The following SYNM variants were observed in gnomAD, a reference collection of about 807,000 sequenced individuals.
SYNM encodes synemin.
In SYNM, 95 loss-of-function variants were observed where a neutral mutation model predicts 104.0. That is an observed-to-expected ratio of 0.91 (90% CI 0.77 to 1.08). The LOEUF (loss-of-function observed/expected upper bound fraction) is 1.08, where lower values mean the gene tolerates loss of function less well. Ranked by LOEUF, SYNM falls within the 50% of genes least tolerant of loss-of-function variation. The pLI, the probability that SYNM is intolerant of heterozygous loss-of-function variation, is 0.00. For missense variants in SYNM, 2,150 were observed against 2,052.2 expected, an observed-to-expected ratio of 1.05 and a Z score of -0.92; for synonymous variants, 918 against 869.0, an observed-to-expected ratio of 1.06 and a Z score of -0.99.
chr15:99,138,383 G>A (rs1025185255), downstream of SYNM, among the ~76,000 whole-genome samples: 6 of 151,480 alleles, frequency 4.0e-5, no homozygotes, highest in Non-Finnish European at 7.4e-5. Flanking sequence ...GCCCCATCTC[G>A]GCTCCCTGCA....
intron 2 of SYNM, among the ~76,000 whole-genome samples, chr15:99,114,834 C>G (rs2067332541): frequency 6.6e-6 from 1 of 152,110 alleles, no homozygotes; most frequent in Non-Finnish European, 1.5e-5. Flanking sequence ...CCCTTGTTTC[C>G]TGGCAGCTCT....
At position 99,105,477 on chromosome 15, in the gene SYNM, G is replaced by GGGAGCTGCA. The variant is rs1555482426; in HGVS notation, c.280_288dup (p.Glu94_Gln96dup). 4 of 1,371,852 alleles carry GGGAGCTGCA rather than the reference G, an allele frequency of 2.9e-6. No homozygotes were observed. Among genetic ancestry groups the GGGAGCTGCA allele is most frequent in the Non-Finnish European group, 3.8e-6 (4 of 1,066,566 alleles). The allele number at this position is 1,371,852 out of a possible 1,614,324, so 85.0% of individuals were successfully genotyped here. On this transcript the variant is annotated inframe_insertion, in exon 1 of 4. Coordinates refer to ENST00000336292, the MANE Select transcript of SYNM (RefSeq NM_145728.3). Reference sequence around the variant, plus strand: ...CGGGACGCTCTGCGGCGCGAGCTGCGGGAGCTGCAGCGCCTGGATGCGGAG... The same window carrying GGGAGCTGCA: ...CGGGACGCTCTGCGGCGCGAGCTGCGGGAGCTGCAGGAGCTGCAGCGCCTGGATGCGGAG...
intron 1 of SYNM, among the ~76,000 whole-genome samples, chr15:99,106,508 A>G (rs999984265): frequency 3.1e-4 from 47 of 152,224 alleles, no homozygotes; most frequent in Non-Finnish European, 2.9e-5. Flanking sequence ...CCCAGTTGGA[A>G]GCCGCAGTTG....
chr15:99,111,651 GACCCTTTATATTCAGGGA>G (rs1291738183), intron 1 of SYNM, among the ~76,000 whole-genome samples: 1 of 152,160 alleles, frequency 6.6e-6, no homozygotes, highest in Non-Finnish European at 1.5e-5. Flanking sequence ...ACTACTTCAG[GACCCTTTATATTCAGGGA>G]ACCTAACAGC....
At chr15:99,119,072 T>C (rs1157787143) in intron 2 of SYNM, among the ~76,000 whole-genome samples, 3 of 152,188 alleles carry the variant, frequency 2.0e-5, no homozygotes, top group Admixed American at 2.0e-4. Flanking sequence ...TCACAGGGTC[T>C]TGCCTGGAGT....
In SYNM at chr15:99,132,839, G is replaced by C. The variant is rs1294431361; in HGVS notation, c.4479G>C (p.Ala1493=). The C allele has an allele frequency of 9.9e-6, 16 of 1,613,776 alleles. No homozygotes were observed. The highest frequency in any genetic ancestry group is 1.3e-5 in the African/African-American group (1 of 74,892). ...GVSDRGSWRD[A]DSRNDQAVGV... is the part of the protein sequence containing the mutation. ...CTGACCGTGGTTCCTGGAGAGACGC[G>C]GACAGTAGGAATGACCAGGCAGTTG... Residue 1493 remains alanine (A), a synonymous_variant, in exon 4 of 4, where the codon GCG becomes GCC. Coordinates refer to ENST00000336292, the MANE Select transcript of SYNM (RefSeq NM_145728.3).
At chr15:99,121,831 A>G (rs1338015740) in intron 2 of SYNM, among the ~76,000 whole-genome samples, 2 of 151,324 alleles carry the variant, frequency 1.3e-5, no homozygotes, top group Non-Finnish European at 3.0e-5. Flanking sequence ...ACAGAACAGA[A>G]GGATGCAGAA....
chr15:99,123,334 C>T (rs1361301948), intron 2 of SYNM, among the ~76,000 whole-genome samples: 2 of 148,874 alleles, frequency 1.3e-5, no homozygotes, highest in East Asian at 2.0e-4. Flanking sequence ...TAGTATTGAC[C>T]TAGAGATGGC....
At position 99,132,527 on chromosome 15, in the gene SYNM, A is replaced by G; in HGVS notation, c.4167A>G (p.Ser1389=). The G allele has an allele frequency of 6.2e-7, 1 of 1,613,988 alleles. No individual in the cohort carries two copies. The highest frequency in any genetic ancestry group is 8.5e-7 in the Non-Finnish European group (1 of 1,179,848). ...AGGAGGATAGTGCAGAGGACACATCAGGGGCAGAAATGACATCGGGTGTTA... is the reference window on the plus strand; with the variant it reads ...AGGAGGATAGTGCAGAGGACACATCGGGGGCAGAAATGACATCGGGTGTTA... ...SPQEDSAEDT[S]GAEMTSGVSR... is the part of the protein sequence containing the mutation. The change falls in exon 4 of 4, where the codon TCA becomes TCG. Residue 1389 remains serine (S), a synonymous_variant. Coordinates refer to ENST00000336292, the MANE Select transcript of SYNM (RefSeq NM_145728.3).
chr15:99,129,718 A>T lies in SYNM; in HGVS notation c.1358A>T (p.Asp453Val). The T allele has an allele frequency of 6.2e-7, 1 of 1,613,828 alleles. No individual in the cohort carries two copies. Among genetic ancestry groups the T allele is most frequent in the Non-Finnish European group, 8.5e-7 (1 of 1,179,908 alleles). ...TTCCCTGACAGACCAAAAGCCGGAGATACAAGGGAGGTCCCCGTTTACATA... is the reference window on the plus strand; with the variant it reads ...TTCCCTGACAGACCAAAAGCCGGAGTTACAAGGGAGGTCCCCGTTTACATA... ...KTFPDRPKAG[D>V]TREVPVYIGE... The change falls in exon 4 of 4, where the codon GAT becomes GTT. Residue 453 changes from aspartate to valine, a missense_variant. Transcript: ENST00000336292.
At chr15:99,122,960 C>G (rs1269125006) in intron 2 of SYNM, among the ~76,000 whole-genome samples, 4 of 152,194 alleles carry the variant, frequency 2.6e-5, no homozygotes, top group African/African-American at 4.8e-5. Flanking sequence ...AGTCCCTTCC[C>G]TTGTTGACTC....
At chr15:99,112,042 G>C (rs2067304082) in intron 1 of SYNM, among the ~76,000 whole-genome samples, 1 of 152,194 alleles carries the variant, frequency 6.6e-6, no homozygotes, top group Non-Finnish European at 1.5e-5. Context: ...GAGCGAGACT[G>C]TCTCCAAAAA....
intron 2 of SYNM, among the ~76,000 whole-genome samples, chr15:99,119,521 G>C (rs546504516): frequency 3.9e-5 from 6 of 152,332 alleles, no homozygotes; most frequent in South Asian, 4.1e-4. Flanking sequence ...AGTCACAGTG[G>C]GAGGCGGGGC....
intron 2 of SYNM, among the ~76,000 whole-genome samples, chr15:99,116,742 A>C (rs1353560728): frequency 7.0e-6 from 1 of 143,000 alleles, no homozygotes; most frequent in African/African-American, 2.5e-5. Context: ...ATCTTGGCTC[A>C]CTGCAACCTC....
rs1415901700 is a variant in SYNM at position 99,105,590 on chromosome 15, G to A, written c.391G>A (p.Glu131Lys). The A allele has an allele frequency of 1.7e-5, 20 of 1,159,448 alleles. No individual in the cohort carries two copies. The highest frequency in any genetic ancestry group is 2.0e-5 in the Non-Finnish European group (19 of 940,288). The allele number at this position is 1,159,448 out of a possible 1,614,324, so 71.8% of individuals were successfully genotyped here. Residue 131 changes from glutamate (E) to lysine (K), a missense_variant, in exon 1 of 4, where the codon GAG (glutamate) becomes AAG (lysine). Coordinates refer to ENST00000336292, the MANE Select transcript of SYNM (RefSeq NM_145728.3). Reference protein sequence around the residue: ...QEALGARAALEALLGRLQAER... With the variant: ...QEALGARAALKALLGRLQAER... ...GGCGCTGGGCGCGCGCGCCGCCCTC[G>A]AGGCGCTGCTGGGCCGGCTGCAGGC...
In SYNM at chr15:99,105,253, C is replaced by G. The variant is rs988722039; in HGVS notation, c.54C>G (p.Leu18=). ...TGPEKAELQE[L]NARLYDYVCR... is the part of the protein sequence containing the mutation. ...CCGAGAAGGCCGAGCTCCAGGAGCT[C>G]AACGCCCGGCTCTATGACTACGTGT... The change falls in exon 1 of 4, where the codon CTC becomes CTG. Residue 18 remains leucine (L), a synonymous_variant. Coordinates refer to ENST00000336292, the MANE Select transcript of SYNM (RefSeq NM_145728.3). 1.3e-6 allele frequency: 2 copies of G among 1,567,796 alleles called. No individual in the cohort carries two copies. Among genetic ancestry groups the G allele is most frequent in the African/African-American group, 2.7e-5 (2 of 73,854 alleles).
downstream of SYNM, chr15:99,140,515 G>A (rs1306497276): frequency 6.6e-6 from 1 of 152,022 alleles, no homozygotes; most frequent in Non-Finnish European, 1.5e-5. Context: ...GATTACAGGT[G>A]CCCGCCACCA....
At chr15:99,120,466 C>T (rs1304119264) in intron 2 of SYNM, among the ~76,000 whole-genome samples, 19 of 152,180 alleles carry the variant, frequency 1.2e-4, no homozygotes, top group African/African-American at 2.4e-4. Context: ...TGACAGTGCC[C>T]GTCTCTGGGC....
chr15:99,137,742 T>C (rs567241211), downstream of SYNM: 35 of 459,722 alleles, frequency 7.6e-5, no homozygotes, highest in South Asian at 6.2e-4. Context: ...GCCACAGTAG[T>C]GCTGATGGGT....
Sources: gnomAD v4.1 joint callset for allele counts (sites outside exome capture counted in the v4.1 genomes callset) on GRCh38, gnomAD v4.1.1 for gene constraint, MANE v1.5 for transcripts, NCBI Gene and HGNC (gene_info 2026-07-23, HGNC 2026-07-21) for gene names.